Variants in ZEB1 observed in about 807,000 individuals in gnomAD.
The protein encoded by ZEB1 is zinc finger E-box binding homeobox 1, also known as zinc finger E-box-binding homeobox 1.
Under a neutral mutation model 84.9 loss-of-function variants are expected in ZEB1, and 21 were observed. The ratio of observed to expected loss-of-function variants is 0.25; its 90% confidence interval spans 0.18 to 0.36. The LOEUF is 0.36. ZEB1 is among the 10% of genes least tolerant of loss of function. ZEB1 has a pLI of 1.00. For missense variants in ZEB1, 1,104 were observed against 1,330.2 expected, an observed-to-expected ratio of 0.83 and a Z score of 2.65; for synonymous variants, 420 against 471.1, an observed-to-expected ratio of 0.89 and a Z score of 1.41.
intron 6 of ZEB1, among the ~76,000 whole-genome samples, chr10:31,516,159 G>A (rs550935507): frequency 1.4e-4 from 22 of 152,154 alleles, no homozygotes; most frequent in Middle Eastern, 6.8e-3. Flanking sequence ...TCTCAATCAA[G>A]TAGTAAATTT....
At chr10:31,506,967 C>T (rs913992450) in intron 4 of ZEB1, among the ~76,000 whole-genome samples, 1 of 152,058 alleles carries the variant, frequency 6.6e-6, no homozygotes, top group Non-Finnish European at 1.5e-5. Context: ...AGATATCTTC[C>T]TGTCACTTCC....
rs558057395 is a variant in ZEB1, at chr10:31,366,822, T to A, written c.58+47530T>A. Among the ~76,000 whole-genome samples the A allele has an allele frequency of 6.0e-5, 9 of 150,162 alleles. No individual in the cohort carries two copies. In the East Asian group the frequency reaches 1.7e-3, roughly 29 times the overall value. ...CTCTGAGTTCCCAGCGTATACTGCTTGAGCTGGAGCAAGACTCCAGTGATC... is the reference window on the plus strand; with the variant it reads ...CTCTGAGTTCCCAGCGTATACTGCTAGAGCTGGAGCAAGACTCCAGTGATC... On this transcript the variant is annotated intron_variant, in intron 1 of 8. Transcript: ENST00000424869.
chr10:31,450,244 A>G (rs987678345), intron 1 of ZEB1, among the ~76,000 whole-genome samples: 3 of 152,208 alleles, frequency 2.0e-5, no homozygotes, highest in African/African-American at 7.2e-5. Flanking sequence ...TGACTTTTAC[A>G]TAGAATGCTA....
chr10:31,520,171 A>G lies in ZEB1; in HGVS notation c.839A>G (p.His280Arg). 1 of 1,613,928 alleles carries G rather than the reference A, an allele frequency of 6.2e-7. No individual in the cohort carries two copies. Among genetic ancestry groups the G allele is most frequent in the Non-Finnish European group, 8.5e-7 (1 of 1,179,854 alleles). ...CCAAACTGCAAGAAACGCTTTTCCC[A>G]TTCTGGCTCCTATAGCTCACACATA... ...ECPNCKKRFS[H>R]SGSYSSHISS... Residue 280 changes from histidine (H) to arginine (R), a missense_variant, in exon 7 of 9, where the codon CAT (histidine) becomes CGT (arginine). Coordinates refer to ENST00000424869, the MANE Select transcript of ZEB1 (RefSeq NM_001174096.2). This position sits in a 1 kb window ranked among gnomAD's most constrained non-coding sequence, Gnocchi z 5.1.
chr10:31,329,007 G>A (rs77731844), intron 1 of ZEB1, among the ~76,000 whole-genome samples: 7,388 of 151,868 alleles, frequency 0.049, 186 homozygotes, highest in South Asian at 0.063. Context: ...GTGTGTGTGT[G>A]TGTGTGCGTG....
intron 1 of ZEB1, among the ~76,000 whole-genome samples, chr10:31,383,155 C>T (rs2047999336): frequency 6.6e-6 from 1 of 151,928 alleles, no homozygotes; most frequent in African/African-American, 2.4e-5. Context: ...TAAAATATTA[C>T]ATTTAAATGA....
At chr10:31,352,482 G>A (rs2041477636) in intron 1 of ZEB1, among the ~76,000 whole-genome samples, 2 of 152,164 alleles carry the variant, frequency 1.3e-5, no homozygotes, top group Admixed American at 6.5e-5. Context: ...AAAGTTTAAT[G>A]GCTTAAAACA....
chr10:31,497,092 G>A (rs1761380), intron 3 of ZEB1, among the ~76,000 whole-genome samples: 140,272 of 152,138 alleles, frequency 0.92, 64,860 homozygotes, highest in East Asian at 1. Context: ...TATTTGCCAT[G>A]CTAAGCTATA....
At chr10:31,477,826 T>C (rs1486766773) in intron 2 of ZEB1, among the ~76,000 whole-genome samples, 1 of 151,978 alleles carries the variant, frequency 6.6e-6, no homozygotes, top group African/African-American at 2.4e-5. Context: ...AAAATGAAAC[T>C]GGACCTCTGT....
chr10:31,431,932 GA>G (rs568360361), intron 1 of ZEB1, among the ~76,000 whole-genome samples: 2 of 152,304 alleles, frequency 1.3e-5, no homozygotes, highest in South Asian at 4.1e-4. Flanking sequence ...AAACACGTAA[GA>G]ACAGAAAAGG....
intron 1 of ZEB1, among the ~76,000 whole-genome samples, chr10:31,380,253 T>G (rs2047389847): frequency 6.6e-6 from 1 of 152,014 alleles, no homozygotes; most frequent in South Asian, 2.1e-4. Context: ...TATCCTCCAT[T>G]CTGGATTTCT....
intron 1 of ZEB1, among the ~76,000 whole-genome samples, chr10:31,357,424 A>G (rs1370219041): frequency 6.6e-6 from 1 of 152,124 alleles, no homozygotes; most frequent in Non-Finnish European, 1.5e-5. Flanking sequence ...TTGGAGCAAA[A>G]TCAGGCTATA....
At position 31,461,191 on chromosome 10, in the gene ZEB1, G is replaced by A. The variant is rs1381674177; in HGVS notation, c.213G>A (p.Arg71=). Residue 71 remains arginine, a synonymous_variant, in exon 2 of 9, where the codon AGG becomes AGA. Coordinates refer to ENST00000424869, the MANE Select transcript of ZEB1 (RefSeq NM_001174096.2). ...LPTDQTVLPG[R]SSEREGNAKN... ...CAGACCAGACAGTGTTACCAGGGAG[G>A]AGCAGTGAAAGAGAAGGGAATGCTA... is the stretch of plus-strand genomic sequence containing the variant. 3 of 1,613,288 alleles carry A rather than the reference G, an allele frequency of 1.9e-6. No individual in the cohort carries two copies. Among genetic ancestry groups the A allele is most frequent in the African/African-American group, 2.7e-5 (2 of 74,902 alleles).
chr10:31,427,626 G>A (rs1478147177), intron 1 of ZEB1, among the ~76,000 whole-genome samples: 1 of 152,092 alleles, frequency 6.6e-6, no homozygotes, highest in Non-Finnish European at 1.5e-5. Context: ...GGCCAAGGCG[G>A]GTGGATCACG....
chr10:31,456,261 G>GGT (rs1428607309), intron 1 of ZEB1, among the ~76,000 whole-genome samples: 2 of 152,140 alleles, frequency 1.3e-5, no homozygotes, highest in Admixed American at 1.3e-4. Context: ...CTGTTGGCGG[G>GGT]GTGGGGGTCT....
intron 1 of ZEB1, among the ~76,000 whole-genome samples, chr10:31,445,224 G>A (rs28883292): frequency 8.8e-5 from 13 of 148,066 alleles, no homozygotes; most frequent in African/African-American, 2.6e-4. Context: ...TTTGTCTGTT[G>A]TTGGTGTATA....
rs963525401 is a variant in ZEB1, at chr10:31,528,399, C to G, written c.*1135C>G. 5 of 152,202 alleles carry G rather than the reference C, an allele frequency of 3.3e-5. No homozygotes were observed. The highest frequency in any genetic ancestry group is 1.2e-4 in the African/African-American group (5 of 41,452). 9.4% of individuals were successfully genotyped at this position (152,202 alleles called of 1,614,324 possible). A position where few individuals can be genotyped will look rare whatever the true frequency, so the allele number is the denominator to read the frequency against. ...TTTTCTAATCTGCTTTATCCATGTA[C>G]TTGCATTTCAGACATGGACATGCTA... On this transcript the variant is annotated 3_prime_UTR_variant, in exon 9 of 9. Coordinates refer to ENST00000424869, the MANE Select transcript of ZEB1 (RefSeq NM_001174096.2).
At chr10:31,511,806 G>A (rs1045896746) in intron 5 of ZEB1, among the ~76,000 whole-genome samples, 1 of 152,030 alleles carries the variant, frequency 6.6e-6, no homozygotes, top group South Asian at 2.1e-4. Flanking sequence ...TAAGGTGATG[G>A]CTAGGCCAAA....
intron 2 of ZEB1, among the ~76,000 whole-genome samples, chr10:31,470,187 C>G (rs1414972881): frequency 6.6e-6 from 1 of 152,216 alleles, no homozygotes; most frequent in Non-Finnish European, 1.5e-5. Flanking sequence ...CAATTCCTCA[C>G]CAGCAATGGA....
Sources: allele counts gnomAD v4.1 joint callset (sites outside exome capture counted in the v4.1 genomes callset), GRCh38; gene constraint gnomAD v4.1.1; non-coding constraint Gnocchi (gnomAD v3.1); transcripts MANE v1.5; gene names NCBI Gene and HGNC (gene_info 2026-07-23, HGNC 2026-07-21).